The following ADAMTS18 variants were observed in gnomAD, a reference collection of about 807,000 sequenced individuals.
ADAMTS18 encodes ADAM metallopeptidase with thrombospondin type 1 motif 18, also known as A disintegrin and metalloproteinase with thrombospondin motifs 18.
A neutral mutation model predicts 165.9 loss-of-function variants in ADAMTS18; 157 were observed. The ratio of observed to expected loss-of-function variants is 0.95; its 90% CI spans 0.83 to 1.08. The LOEUF is 1.08. Ranked by LOEUF, ADAMTS18 falls within the 50% of genes least tolerant of loss-of-function variation. ADAMTS18 has a pLI of 0.00. For missense variants in ADAMTS18, 2,040 were observed against 1,534.0 expected (o/e 1.33, Z -5.51); for synonymous variants, 782 against 578.2 (o/e 1.35, Z -5.06).
chr16:77,428,387 G>C (rs1259722848), intron 3 of ADAMTS18, among the ~76,000 whole-genome samples: 2 of 152,062 alleles, frequency 1.3e-5, no homozygotes, highest in Admixed American at 6.5e-5. Context: ...CAAAGAAGCT[G>C]AGCAATGTCT....
chr16:77,364,154 G>A, intron 5 of ADAMTS18, 34 bp downstream of exon 5: 1 of 1,612,692 alleles, frequency 6.2e-7, no homozygotes, highest in Non-Finnish European at 8.5e-7. Flanking sequence ...TATTTTCTTT[G>A]GAGAGCCAGA....
intron 15 of ADAMTS18, among the ~76,000 whole-genome samples, 154 bp downstream of exon 15, chr16:77,320,925 C>A (rs1391844146): frequency 6.6e-6 from 1 of 152,192 alleles, no homozygotes; most frequent in Non-Finnish European, 1.5e-5. Context: ...TTCCTCACAA[C>A]TATCTCCCTT....
chr16:77,297,577 T>C (rs1029382394), intron 17 of ADAMTS18, among the ~76,000 whole-genome samples, 162 bp from the exon 18 acceptor site: 2 of 152,170 alleles, frequency 1.3e-5, no homozygotes, highest in African/African-American at 2.4e-5. Flanking sequence ...GCAACTAATT[T>C]GAATTCCATT....
intron 11 of ADAMTS18, among the ~76,000 whole-genome samples, chr16:77,339,598 T>TTA (rs1555515093): frequency 6.8e-6 from 1 of 146,892 alleles, no homozygotes; most frequent in African/African-American, 2.5e-5. Context: ...CTTTTTCAAT[T>TTA]AAAAAAAAAA....
At chr16:77,332,841 T>TGTTTGAAGAAAATTGAATTTGC (rs2056212523) in intron 12 of ADAMTS18, among the ~76,000 whole-genome samples, 1 of 152,190 alleles carries the variant, frequency 6.6e-6, no homozygotes, top group Admixed American at 6.5e-5. Context: ...GGACTTTCTG[T>TGTTTGAAGAAAATTGAATTTGC]GTTTGAAGAA....
rs2056020482 is a variant in ADAMTS18 at position 77,322,459 on chromosome 16, A to G, written c.2040T>C (p.Asp680=). 2 of 1,614,070 alleles carry G rather than the reference A, an allele frequency of 1.2e-6. No homozygotes were observed. Among genetic ancestry groups the G allele is most frequent in the Non-Finnish European group, 8.5e-7 (1 of 1,179,964 alleles). ...WKPYTKVEEE[D]RCKLYCKAEN... ...CAGCCTTGCAGTACAGTTTGCATCG[A>G]TCTTCCTCTAGAAACAAAGAGATCA... The change falls in exon 14 of 23, where the codon GAT becomes GAC. Residue 680 remains aspartate (D), a synonymous_variant. Transcript: ENST00000282849.
intron 3 of ADAMTS18, among the ~76,000 whole-genome samples, chr16:77,398,691 C>T (rs530809113): frequency 1.2e-3 from 187 of 152,224 alleles, no homozygotes; most frequent in Non-Finnish European, 1.8e-3. Flanking sequence ...CATTCCTGGC[C>T]TCTACCCACT....
At position 77,363,808 on chromosome 16, in the gene ADAMTS18, T is replaced by C. The variant is rs1246083081; in HGVS notation, c.1050A>G (p.Gln350=). The change falls in exon 6 of 23, where the codon CAA becomes CAG. Residue 350 remains glutamine (Q), a synonymous_variant. Transcript: ENST00000282849. The part of the protein sequence containing the change: ...VVVVSLILLE[Q]EPGGLLINHH... The stretch of plus-strand genomic sequence containing the variant: ...AATGAAGTTTGCCACTTACAGGTTC[T>C]TGTTCCAGAAGAATTAGGCTCACCA... 6.2e-7 allele frequency: 1 copy of C among 1,613,918 alleles called. No individual in the cohort carries two copies. The highest frequency in any genetic ancestry group is 1.1e-5 in the South Asian group (1 of 91,074).
intron 3 of ADAMTS18, among the ~76,000 whole-genome samples, chr16:77,400,468 GTGTGTGTGTGTGTTTTGTTTTTT>G (rs2057313839): frequency 7.1e-6 from 1 of 139,958 alleles, no homozygotes; most frequent in African/African-American, 2.7e-5. Flanking sequence ...GTGTGTGTGT[GTGTGTGTGTGTGTTTTGTTTTTT>G]TTTTTTTTGA....
At chr16:77,405,332 G>A (rs369894541) in intron 3 of ADAMTS18, among the ~76,000 whole-genome samples, 2 of 152,172 alleles carry the variant, frequency 1.3e-5, no homozygotes, top group African/African-American at 2.4e-5. Context: ...CCACTTGGGA[G>A]AACAGCTTGC....
chr16:77,367,495 C>G lies in ADAMTS18; in HGVS notation c.724G>C (p.Glu242Gln). 6.2e-7 allele frequency: 1 copy of G among 1,614,226 alleles called. No individual in the cohort carries two copies. Among genetic ancestry groups the G allele is most frequent in the East Asian group, 2.2e-5 (1 of 44,888 alleles). ...TTTTGCAACCTTCGATGGTGATACT[C>G]TGTCTCTCGACTCTGAGATGCATGG... is the stretch of plus-strand genomic sequence containing the variant. ...IPHASQSRET[E>Q]YHHRRLQKQH... Residue 242 changes from glutamate (E) to glutamine (Q), a missense_variant, in exon 4 of 23, where the codon GAG (glutamate) becomes CAG (glutamine). Coordinates refer to ENST00000282849, the MANE Select transcript of ADAMTS18 (RefSeq NM_199355.4).
rs1405226913 is a variant in ADAMTS18, at chr16:77,353,629, G to C, written c.1614+104C>G. 4.0e-6 allele frequency: 6 copies of C among 1,508,482 alleles called. No homozygotes were observed. In the African/African-American group the frequency reaches 5.5e-5, roughly 14 times the overall value. 93.4% of individuals were successfully genotyped at this position (1,508,482 alleles called of 1,614,324 possible). A position where few individuals can be genotyped will look rare whatever the true frequency, so the allele number is the denominator to read the frequency against. ...CAACTGACACGGTAGAGATAACCCA[G>C]AACCTAACCCTTGGCCTTGGCAAAC... On this transcript the variant is annotated intron_variant, in intron 10 of 22. Transcript: ENST00000282849.
chr16:77,341,512 T>C (rs1160646347), intron 11 of ADAMTS18, among the ~76,000 whole-genome samples, 192 bp downstream of exon 11: 1 of 152,188 alleles, frequency 6.6e-6, no homozygotes, highest in Non-Finnish European at 1.5e-5. Context: ...AAAAATCTTC[T>C]TAAACAATTG....
At chr16:77,316,225 C>T (rs879572884) in intron 16 of ADAMTS18, among the ~76,000 whole-genome samples, 1 of 151,496 alleles carries the variant, frequency 6.6e-6, no homozygotes, top group Admixed American at 6.6e-5. Flanking sequence ...CTTCTTGCCT[C>T]TCCAATCACT....
chr16:77,412,233 T>A (rs1225354643), intron 3 of ADAMTS18, among the ~76,000 whole-genome samples: 1 of 152,174 alleles, frequency 6.6e-6, no homozygotes, highest in Non-Finnish European at 1.5e-5. Context: ...AGACTGTAAC[T>A]CGTACCATTG....
At chr16:77,290,801 G>A (rs549670059) in intron 21 of ADAMTS18, 1 of 175,294 alleles carries the variant, frequency 5.7e-6, no homozygotes, top group East Asian at 1.5e-4. Flanking sequence ...GAGCTTTAGG[G>A]ACCATACTAC....
rs1567474883 is a variant in ADAMTS18 at position 77,314,787 on chromosome 16, A to ATATATATATATATAT, written c.2532+5061_2532+5062insATATATATATATATA. On this transcript the variant is annotated intron_variant, in intron 16 of 22. Coordinates refer to ENST00000282849, the MANE Select transcript of ADAMTS18 (RefSeq NM_199355.4). The stretch of plus-strand genomic sequence containing the variant: ...ATATATATATATATATATATATATA[A>ATATATATATATATAT]AATATATGTGATATGCTCAGAAGGC... Among the ~76,000 whole-genome samples the ATATATATATATATAT allele has an allele frequency of 2.5e-3, 124 of 49,300 alleles. 17 individuals carry two copies. The highest frequency in any genetic ancestry group is 0.013 in the Middle Eastern group (1 of 80). 32.3% of individuals were successfully genotyped at this position (49,300 alleles called of 152,430 possible).
chr16:77,400,464 G>C (rs867475502), intron 3 of ADAMTS18, among the ~76,000 whole-genome samples: 6,345 of 130,030 alleles, frequency 0.049, 232 homozygotes, highest in East Asian at 0.18. Context: ...GTCTGTGTGT[G>C]TGTGTGTGTG....
intron 3 of ADAMTS18, among the ~76,000 whole-genome samples, chr16:77,429,417 A>G (rs779912502): frequency 6.6e-6 from 1 of 152,176 alleles, no homozygotes; most frequent in African/African-American, 2.4e-5. Context: ...GGAACAATAG[A>G]CACTGAGGTC....
Sources: allele counts gnomAD v4.1 joint callset (sites outside exome capture counted in the v4.1 genomes callset), GRCh38; gene constraint gnomAD v4.1.1; transcripts MANE v1.5; gene names NCBI Gene and HGNC (gene_info 2026-07-23, HGNC 2026-07-21).